Variants in CNNM2 observed in about 807,000 individuals in gnomAD.
The protein encoded by CNNM2 is metal transporter CNNM2.
Under a neutral mutation model 66.9 loss-of-function variants are expected in CNNM2, and 12 were observed. That is an observed-to-expected ratio of 0.18 (90% confidence interval 0.11 to 0.29). The LOEUF is 0.29. Ranked by LOEUF, CNNM2 falls within the 10% of genes least tolerant of loss-of-function variation. The pLI, the probability that CNNM2 is intolerant of heterozygous loss-of-function variation, is 1.00. For synonymous variants in CNNM2, 557 were observed against 501.8 expected (o/e 1.11, Z -1.47); for missense variants, 705 against 1,167.7 (o/e 0.60, Z 5.77).
chr10:103,016,474 C>T (rs950065875), intron 1 of CNNM2, among the ~76,000 whole-genome samples: 1 of 152,124 alleles, frequency 6.6e-6, no homozygotes. Flanking sequence ...CATGTCCCTG[C>T]CTTCGTGGAT....
intron 1 of CNNM2, among the ~76,000 whole-genome samples, chr10:103,036,451 A>G (rs1241997049): frequency 1.3e-5 from 2 of 152,138 alleles, no homozygotes; most frequent in African/African-American, 2.4e-5. Flanking sequence ...TCCCTTCACA[A>G]CAGCACCTAG....
intron 1 of CNNM2, among the ~76,000 whole-genome samples, chr10:103,007,795 C>A (rs1271054436): frequency 1.3e-5 from 2 of 152,122 alleles, no homozygotes; most frequent in Non-Finnish European, 2.9e-5. Flanking sequence ...CAGTTAGATA[C>A]AATTATCACA....
chr10:103,045,504 A>G (rs1245165040), intron 1 of CNNM2, among the ~76,000 whole-genome samples: 2 of 152,214 alleles, frequency 1.3e-5, no homozygotes, highest in African/African-American at 2.4e-5. Flanking sequence ...AGCCCTCAGA[A>G]TATTTTTAAT....
At chr10:103,023,548 C>G (rs887690984) in intron 1 of CNNM2, among the ~76,000 whole-genome samples, 12 of 152,132 alleles carry the variant, frequency 7.9e-5, no homozygotes, top group Non-Finnish European at 1.8e-4. Context: ...AACTCTGTTC[C>G]CCCCTCCCCA....
intron 1 of CNNM2, among the ~76,000 whole-genome samples, chr10:102,922,839 G>A (rs1206793802): frequency 1.3e-5 from 2 of 151,814 alleles, no homozygotes; most frequent in Non-Finnish European, 2.9e-5. Context: ...TCCTTGGGAG[G>A]CCTGAGGTGG....
chr10:103,068,376 A>C (rs1276850522), intron 4 of CNNM2: 4 of 400,552 alleles, frequency 1.0e-5, no homozygotes, highest in Non-Finnish European at 1.8e-5. Context: ...TTAAGTTTTT[A>C]ATTTAAGAAT....
Position 103,054,304 on chromosome 10 carries a change from TTC to T in CNNM2, c.1766-19_1766-18del, listed in dbSNP as rs768649214. ...TCTCATGGGATGCATTTCTTTTTTT[TTC>T]TCTCTTTTAATTCCTCCCTTAGCTG... is the stretch of plus-strand genomic sequence containing the variant. On this transcript the variant is annotated intron_variant, in intron 2 of 7. Coordinates refer to ENST00000369878, the MANE Select transcript of CNNM2 (RefSeq NM_017649.5). This position sits in a 1 kb window ranked among gnomAD's most constrained non-coding sequence, Gnocchi z 5.2. 1.2e-5 allele frequency: 19 copies of T among 1,609,150 alleles called. No homozygotes were observed. Among genetic ancestry groups the T allele is most frequent in the East Asian group, 1.1e-4 (5 of 44,850 alleles).
At chr10:102,973,422 A>G (rs938392929) in intron 1 of CNNM2, among the ~76,000 whole-genome samples, 5 of 152,066 alleles carry the variant, frequency 3.3e-5, no homozygotes, top group East Asian at 1.9e-4. Context: ...GAACTACTAC[A>G]GGCAAATGCC....
At chr10:102,968,141 A>C (rs1473547629) in intron 1 of CNNM2, among the ~76,000 whole-genome samples, 2 of 152,222 alleles carry the variant, frequency 1.3e-5, no homozygotes, top group African/African-American at 4.8e-5. Flanking sequence ...CTTTTCAAGA[A>C]GCTGCCAAAC....
At chr10:103,071,899 G>A (rs1036484544) in intron 6 of CNNM2, 60 bp downstream of exon 6, 18 of 1,482,366 alleles carry the variant, frequency 1.2e-5, no homozygotes, top group Middle Eastern at 1.7e-4. Context: ...CCCCCATCAC[G>A]CCTGGCTGGC....
chr10:102,986,660 G>GT (rs2063802859), intron 1 of CNNM2, among the ~76,000 whole-genome samples: 1 of 151,396 alleles, frequency 6.6e-6, no homozygotes, highest in Admixed American at 6.6e-5. Flanking sequence ...GGTACCTGTA[G>GT]TCCCAGCTAC....
In CNNM2 at chr10:102,984,306, A is replaced by G. The variant is rs1284744672; in HGVS notation, c.1621+64205A>G. ...GGGAGGAGGATTCAGCAGAAGCTGG[A>G]TAAACAATTATAGGGTTTTTATGTG... On this transcript the variant is annotated intron_variant, in intron 1 of 7. Coordinates refer to ENST00000369878, the MANE Select transcript of CNNM2 (RefSeq NM_017649.5). Among the ~76,000 whole-genome samples the G allele has an allele frequency of 3.9e-5, 6 of 152,352 alleles. No individual in the cohort carries two copies. The East Asian group carries it at 9.6e-4, about 24-fold the overall frequency.
At chr10:102,988,767 C>T (rs944630286) in intron 1 of CNNM2, among the ~76,000 whole-genome samples, 1 of 152,080 alleles carries the variant, frequency 6.6e-6, no homozygotes, top group Non-Finnish European at 1.5e-5. Flanking sequence ...ATTTCATCCA[C>T]AATTAGAGAA....
intron 1 of CNNM2, among the ~76,000 whole-genome samples, chr10:102,969,580 A>C (rs2063519016): frequency 6.6e-6 from 1 of 151,882 alleles, no homozygotes; most frequent in Non-Finnish European, 1.5e-5. Flanking sequence ...TAATATTGTA[A>C]ATTATTTCGG....
chr10:103,088,603 T>C lies in CNNM2; in HGVS notation c.*11423T>C, dbSNP rs1250244282. On this transcript the variant is annotated 3_prime_UTR_variant, in exon 8 of 8. Coordinates refer to ENST00000369878, the MANE Select transcript of CNNM2 (RefSeq NM_017649.5). ...GGTTTCTCCATGTTGGTAAGGCTGGTCTCGAACTCCCGACCTCAGGTGATC... is the reference window on the plus strand; with the variant it reads ...GGTTTCTCCATGTTGGTAAGGCTGGCCTCGAACTCCCGACCTCAGGTGATC... 6.3e-6 allele frequency: 1 copy of C among 159,836 alleles called. No homozygotes were observed. Among genetic ancestry groups the C allele is most frequent in the Non-Finnish European group, 1.4e-5 (1 of 72,538 alleles). The allele number at this position is 159,836 out of a possible 1,614,324, so 9.9% of individuals were successfully genotyped here.
intron 1 of CNNM2, among the ~76,000 whole-genome samples, chr10:103,010,229 CT>C (rs202225261): frequency 7.0e-4 from 102 of 145,820 alleles, no homozygotes; most frequent in African/African-American, 1.2e-3. Context: ...ATATGACCAT[CT>C]TTTTTTTTTT....
intron 1 of CNNM2, among the ~76,000 whole-genome samples, chr10:103,009,674 C>CCAAAA (rs1484186590): frequency 3.4e-5 from 2 of 58,634 alleles, no homozygotes; most frequent in Non-Finnish European, 6.1e-5. Context: ...CCTGAGTCTC[C>CCAAAA]AAAAAAAAAA....
chr10:102,930,035 C>T (rs1358591708), intron 1 of CNNM2, among the ~76,000 whole-genome samples: 1 of 152,100 alleles, frequency 6.6e-6, no homozygotes, highest in Non-Finnish European at 1.5e-5. Flanking sequence ...AATCTTAATT[C>T]AGTGATCCAA....
chr10:103,070,952 A>G (rs757869701), intron 5 of CNNM2, among the ~76,000 whole-genome samples: 13 of 152,262 alleles, frequency 8.5e-5, no homozygotes, highest in East Asian at 5.8e-4. Flanking sequence ...CGGGGGGGGA[A>G]TTTCATTAAT....
Sources: gnomAD v4.1 joint callset for allele counts (sites outside exome capture counted in the v4.1 genomes callset) on GRCh38, gnomAD v4.1.1 for gene constraint, Gnocchi (gnomAD v3.1) non-coding constraint, MANE v1.5 for transcripts, NCBI Gene and HGNC (gene_info 2026-07-23, HGNC 2026-07-21) for gene names.